CKAP2: variants seen among roughly 807,000 people sequenced by gnomAD.
The protein encoded by CKAP2 is cytoskeleton associated protein 2, also known as cytoskeleton-associated protein 2.
Under a neutral mutation model 58.4 loss-of-function variants are expected in CKAP2, and 46 were observed. The observed-to-expected ratio is 0.79, with a 90% CI of 0.62 to 1.01. CKAP2 has a LOEUF of 1.01. CKAP2 is among the 50% of genes least tolerant of loss of function. The pLI is 0.00. For synonymous variants in CKAP2, 293 were observed against 280.9 expected (o/e 1.04, Z -0.43); for missense variants, 809 against 796.4 (o/e 1.02, Z -0.19).
Position 52,475,300 on chromosome 13 carries a change from A to G in CKAP2, c.*159A>G. On this transcript the variant is annotated 3_prime_UTR_variant, in exon 9 of 9. Coordinates refer to ENST00000258607, the MANE Select transcript of CKAP2 (RefSeq NM_018204.5). Reference sequence around the variant, plus strand: ...CCTTTACTAACATTCATGTTATGGCAAGAGTTGTCCTCTACATTGGAAAGC... The same window carrying G: ...CCTTTACTAACATTCATGTTATGGCGAGAGTTGTCCTCTACATTGGAAAGC... 1 of 897,822 alleles carries G rather than the reference A, an allele frequency of 1.1e-6. No homozygotes were observed. The highest frequency in any genetic ancestry group is 1.7e-6 in the Non-Finnish European group (1 of 605,842). The allele number at this position is 897,822 out of a possible 1,614,324, so 55.6% of individuals were successfully genotyped here. A position where few individuals can be genotyped will look rare whatever the true frequency, so the allele number is the denominator to read the frequency against.
At chr13:52,467,797 TTTTTTGTTTTTG>T (rs1345499100) in intron 6 of CKAP2, among the ~76,000 whole-genome samples, 1 of 151,926 alleles carries the variant, frequency 6.6e-6, no homozygotes, top group Non-Finnish European at 1.5e-5. Flanking sequence ...CGTTTTTGGT[TTTTTTGTTTTTG>T]TTTTTGTTTT....
intron 2 of CKAP2, among the ~76,000 whole-genome samples, chr13:52,457,941 G>T (rs1408655031): frequency 6.6e-6 from 1 of 152,142 alleles, no homozygotes; most frequent in Non-Finnish European, 1.5e-5. Context: ...ACGCAAATGG[G>T]ATAAAAATTT....
chr13:52,456,673 A>T (rs1472142898), intron 2 of CKAP2, 66 bp downstream of exon 2: 1 of 1,229,628 alleles, frequency 8.1e-7, no homozygotes, highest in Non-Finnish European at 1.2e-6. Flanking sequence ...TGAAAATGTA[A>T]AGTAAGCCAT....
At position 52,465,463 on chromosome 13, in the gene CKAP2, C is replaced by T. The variant is rs755402568; in HGVS notation, c.1474C>T (p.Gln492Ter). Residue 492 changes from glutamine (Q) to a stop codon, truncating the protein, a stop_gained and splice_region_variant, in exon 6 of 9, where the codon CAG becomes TAG. Transcript: ENST00000258607. LOFTEE classifies it high-confidence loss of function. ...TGAGAAAGCCATTCTGGCAGGGGCT[C>T]AGGTAAGATAAAAATTTACTGATCT... ...IYEKAILAGAQPIEEMRHTIV... is the reference protein window; with the variant it reads ...IYEKAILAGA 3 of 1,611,026 alleles carry T rather than the reference C, an allele frequency of 1.9e-6. No homozygotes were observed. Among genetic ancestry groups the T allele is most frequent in the Admixed American group, 1.7e-5 (1 of 59,594 alleles).
chr13:52,463,478 TA>T (rs1958615101), intron 5 of CKAP2, among the ~76,000 whole-genome samples: 1 of 152,064 alleles, frequency 6.6e-6, no homozygotes, highest in East Asian at 1.9e-4. Context: ...ATTAACAGTT[TA>T]AAAAAAGACA....
At position 52,461,360 on chromosome 13, in the gene CKAP2, T is replaced by C. The variant is rs759212034; in HGVS notation, c.534T>C (p.Tyr178=). The C allele has an allele frequency of 4.3e-6, 7 of 1,614,244 alleles. No homozygotes were observed. The East Asian group carries it at 1.3e-4, about 31-fold the overall frequency. ...NMPKKPVLGS[Y]RGQIVQSKIN... is the part of the protein sequence containing the mutation. ...CCAAGAAACCTGTGCTTGGATCTTA[T>C]CGTGGCCAGATTGTTCAGTCTAAGA... The change falls in exon 4 of 9, where the codon TAT becomes TAC. Residue 178 remains tyrosine (Y), a synonymous_variant. Coordinates refer to ENST00000258607, the MANE Select transcript of CKAP2 (RefSeq NM_018204.5).
chr13:52,456,384 G>T, intron 1 of CKAP2, 139 bp from the exon 2 acceptor site: 1 of 760,020 alleles, frequency 1.3e-6, no homozygotes, highest in East Asian at 2.7e-5. Flanking sequence ...TATTGAATTG[G>T]AGAATTTTCT....
In CKAP2 at chr13:52,475,686, G is replaced by A. The variant is rs1035139855; in HGVS notation, c.*545G>A. On this transcript the variant is annotated 3_prime_UTR_variant, in exon 9 of 9. Transcript: ENST00000258607. ...TACCAAATTCATGTTACCCAGACTT[G>A]TGTTCTCTTGCGTCCCTTGGACTGC... The A allele has an allele frequency of 6.6e-6, 1 of 152,348 alleles. No individual in the cohort carries two copies. The highest frequency in any genetic ancestry group is 2.4e-5 in the African/African-American group (1 of 41,420). 9.4% of individuals were successfully genotyped at this position (152,348 alleles called of 1,614,324 possible). A position where few individuals can be genotyped will look rare whatever the true frequency, so the allele number is the denominator to read the frequency against.
chr13:52,467,100 CAAA>C (rs34473477), intron 6 of CKAP2, among the ~76,000 whole-genome samples: 6,529 of 110,594 alleles, frequency 0.059, 142 homozygotes, highest in South Asian at 0.1. Flanking sequence ...CACCCTGTCT[CAAA>C]AAAAAAAAAA....
chr13:52,467,688 A>G (rs575011684), intron 6 of CKAP2, among the ~76,000 whole-genome samples: 25 of 152,160 alleles, frequency 1.6e-4, no homozygotes, highest in Admixed American at 9.8e-4. Context: ...CATCCTGGCA[A>G]TAGAGGGAGA....
chr13:52,459,879 T>C (rs1177331042), intron 2 of CKAP2, among the ~76,000 whole-genome samples: 1 of 152,156 alleles, frequency 6.6e-6, no homozygotes, highest in African/African-American at 2.4e-5. Context: ...GTTCTTTTTT[T>C]TGAGAGATGA....
At chr13:52,471,659 G>A (rs1224220697) in intron 7 of CKAP2, among the ~76,000 whole-genome samples, 1 of 152,054 alleles carries the variant, frequency 6.6e-6, no homozygotes, top group East Asian at 1.9e-4. Flanking sequence ...GCCTTGTTTG[G>A]TTGTCCAGGT....
chr13:52,474,767 C>G (rs1958805135), intron 8 of CKAP2, 128 bp from the exon 9 acceptor site: 1 of 922,936 alleles, frequency 1.1e-6, no homozygotes, highest in South Asian at 1.8e-5. Context: ...TAGTACCTCT[C>G]TAAAAGACAA....
At chr13:52,466,552 T>G (rs759459970) in intron 6 of CKAP2, among the ~76,000 whole-genome samples, 13 of 152,178 alleles carry the variant, frequency 8.5e-5, no homozygotes, top group Non-Finnish European at 1.8e-4. Flanking sequence ...AGAAGGGACA[T>G]TACTTAAGGC....
rs1958575746 is a variant in CKAP2 at position 52,461,405 on chromosome 13, T to C, written c.579T>C (p.Pro193=). Residue 193 remains proline (P), a synonymous_variant, in exon 4 of 9, where the codon CCT becomes CCC. Transcript: ENST00000258607. ...VQSKINSFRK[P]LQVKDESSAA... ...CTAAGATTAATTCATTTAGAAAACC[T>C]CTACAAGTCAAAGATGAGAGTTCTG... 1.9e-6 allele frequency: 3 copies of C among 1,614,096 alleles called. No individual in the cohort carries two copies. The South Asian group carries it at 3.3e-5, about 18-fold the overall frequency.
At chr13:52,466,390 C>T (rs969748008) in intron 6 of CKAP2, among the ~76,000 whole-genome samples, 3 of 152,148 alleles carry the variant, frequency 2.0e-5, no homozygotes, top group East Asian at 1.9e-4. Flanking sequence ...ACAAAATCAA[C>T]GAACGCTATT....
In CKAP2 at chr13:52,475,290, A is replaced by C. The variant is rs141447887; in HGVS notation, c.*149A>C. On this transcript the variant is annotated 3_prime_UTR_variant, in exon 9 of 9. Transcript: ENST00000258607. ...GCAGTGAGCTCCTTTACTAACATTC[A>C]TGTTATGGCAAGAGTTGTCCTCTAC... The C allele has an allele frequency of 1.1e-6, 1 of 945,916 alleles. No individual in the cohort carries two copies. The highest frequency in any genetic ancestry group is 2.6e-5 in the Admixed American group (1 of 38,440). 58.6% of individuals were successfully genotyped at this position (945,916 alleles called of 1,614,324 possible).
chr13:52,468,967 G>T (rs2137863998), intron 7 of CKAP2, among the ~76,000 whole-genome samples: 1 of 152,238 alleles, frequency 6.6e-6, no homozygotes, highest in South Asian at 2.1e-4. Context: ...CTTCCACAAT[G>T]GTTGAACTAA....
Position 52,475,279 on chromosome 13 carries a change from T to C in CKAP2, c.*138T>C, listed in dbSNP as rs1483711463. 3.9e-6 allele frequency: 4 copies of C among 1,034,650 alleles called. No homozygotes were observed. The highest frequency in any genetic ancestry group is 2.5e-5 in the Admixed American group (1 of 39,960). The allele number at this position is 1,034,650 out of a possible 1,614,324, so 64.1% of individuals were successfully genotyped here. Reference sequence around the variant, plus strand: ...AAGCATTCACGGCAGTGAGCTCCTTTACTAACATTCATGTTATGGCAAGAG... The same window carrying C: ...AAGCATTCACGGCAGTGAGCTCCTTCACTAACATTCATGTTATGGCAAGAG... On this transcript the variant is annotated 3_prime_UTR_variant, in exon 9 of 9. Transcript: ENST00000258607.
Sources: allele counts gnomAD v4.1 joint callset (sites outside exome capture counted in the v4.1 genomes callset), GRCh38; gene constraint gnomAD v4.1.1; transcripts MANE v1.5; gene names NCBI Gene and HGNC (gene_info 2026-07-23, HGNC 2026-07-21).